Variants in KYNU observed in about 807,000 individuals in gnomAD.
KYNU encodes the protein L-kynurenine hydrolase.
A neutral mutation model predicts 59.2 loss-of-function variants in KYNU; 54 were observed. The ratio of observed to expected loss-of-function variants is 0.91; its 90% CI spans 0.73 to 1.14. KYNU has a LOEUF of 1.14. KYNU is among the 50% of genes most tolerant of loss of function. The probability of loss-of-function intolerance (pLI) is 0.00; values close to 1 mark genes in which losing one functional copy is unlikely to be tolerated. For synonymous variants in KYNU, 177 were observed against 192.0 expected, an observed-to-expected ratio of 0.92 and a Z score of 0.65; for missense variants, 567 against 554.4, an observed-to-expected ratio of 1.02 and a Z score of -0.23.
At chr2:142,973,628 A>C (rs1054173773) in intron 8 of KYNU, among the ~76,000 whole-genome samples, 3 of 152,168 alleles carry the variant, frequency 2.0e-5, no homozygotes, top group Non-Finnish European at 4.4e-5. Flanking sequence ...CTTGGGAAAC[A>C]CAGCTGCAAA....
At chr2:143,009,963 G>A (rs1424914030) in intron 10 of KYNU, among the ~76,000 whole-genome samples, 8 of 128,654 alleles carry the variant, frequency 6.2e-5, no homozygotes, top group Middle Eastern at 3.8e-3. Flanking sequence ...CATACTGAAT[G>A]GGCAAAAACT....
chr2:143,002,806 C>G (rs1031472086), intron 10 of KYNU, among the ~76,000 whole-genome samples: 14 of 152,076 alleles, frequency 9.2e-5, no homozygotes, highest in Non-Finnish European at 1.8e-4. Flanking sequence ...GAATCAGTTT[C>G]CACAGAAAAC....
At chr2:142,929,009 A>G in intron 4 of KYNU, among the ~76,000 whole-genome samples, 1 of 144,778 alleles carries the variant, frequency 6.9e-6, no homozygotes, top group Non-Finnish European at 1.5e-5. Flanking sequence ...CCCTGTCTCA[A>G]AAAAAAAAAA....
rs1266938669 is a variant in KYNU, at chr2:143,036,702, A to G, written c.1041+3381A>G. ...ATTTATTCCTAATTAGACGGGAAGG[A>G]AAGTCTTTGAAGAGGAACCTCTACT... On this transcript the variant is annotated intron_variant, in intron 12 of 13. Transcript: ENST00000264170. Among the ~76,000 whole-genome samples the G allele has an allele frequency of 3.3e-5, 5 of 152,352 alleles. No homozygotes were observed. The East Asian group carries it at 9.6e-4, about 29-fold the overall frequency.
rs201543038 is a variant in KYNU, at chr2:143,045,957, G to C, written c.*3785G>C. The C allele has an allele frequency of 1.4e-4, 22 of 152,264 alleles. No individual in the cohort carries two copies. In the East Asian group the frequency reaches 4.2e-3, roughly 29 times the overall value. The allele number at this position is 152,264 out of a possible 1,614,324, so 9.4% of individuals were successfully genotyped here. A position where few individuals can be genotyped will look rare whatever the true frequency, so the allele number is the denominator to read the frequency against. On this transcript the variant is annotated 3_prime_UTR_variant, in exon 14 of 14. Transcript: ENST00000264170. ...AATTTCTGAAGGGTATTAATTAGAT[G>C]TTTGAGTGAGGGGAAATATTGGAAG...
At chr2:142,916,873 G>A (rs1332286881) in intron 2 of KYNU, among the ~76,000 whole-genome samples, 2 of 152,188 alleles carry the variant, frequency 1.3e-5, no homozygotes, top group African/African-American at 4.8e-5. Flanking sequence ...TGTTAATCAA[G>A]CAGTTCACTT....
At chr2:143,039,761 G>A (rs964586790) in intron 12 of KYNU, among the ~76,000 whole-genome samples, 2 of 152,108 alleles carry the variant, frequency 1.3e-5, no homozygotes, top group African/African-American at 2.4e-5. Context: ...TCTGAGTCCT[G>A]AAGACCTTCC....
At chr2:142,914,071 G>A (rs561190622) in intron 2 of KYNU, among the ~76,000 whole-genome samples, 1 of 152,322 alleles carries the variant, frequency 6.6e-6, no homozygotes, top group African/African-American at 2.4e-5. Context: ...CAAGGCCTGT[G>A]CGGCTCCACT....
At chr2:143,017,353 C>T (rs1048195818) in intron 10 of KYNU, among the ~76,000 whole-genome samples, 3 of 152,078 alleles carry the variant, frequency 2.0e-5, no homozygotes, top group South Asian at 2.1e-4. Context: ...AAATTACATT[C>T]CCACCAACAG....
At chr2:143,035,732 C>T (rs1283125708) in intron 12 of KYNU, among the ~76,000 whole-genome samples, 2 of 152,162 alleles carry the variant, frequency 1.3e-5, no homozygotes, top group Non-Finnish European at 2.9e-5. Flanking sequence ...ACTGGGACTG[C>T]AGGACTGCAC....
At chr2:142,926,558 G>A (rs763279027) in intron 3 of KYNU, among the ~76,000 whole-genome samples, 18 of 152,208 alleles carry the variant, frequency 1.2e-4, no homozygotes, top group Non-Finnish European at 2.1e-4. Context: ...GGGTGATAGG[G>A]AAGAAGGTGC....
chr2:142,937,332 G>T (rs140609174), intron 4 of KYNU, among the ~76,000 whole-genome samples: 2 of 152,206 alleles, frequency 1.3e-5, no homozygotes, highest in Non-Finnish European at 2.9e-5. Flanking sequence ...TTATCCACTT[G>T]CACTCTTATT....
intron 8 of KYNU, among the ~76,000 whole-genome samples, chr2:142,961,275 CTTTTTTTTT>C (rs1156276566): frequency 1.1e-5 from 1 of 94,438 alleles, no homozygotes; most frequent in Non-Finnish European, 2.0e-5. Flanking sequence ...ATTTAAACTG[CTTTTTTTTT>C]TTTTTTTTTT....
At chr2:143,004,399 A>T (rs1055010089) in intron 10 of KYNU, among the ~76,000 whole-genome samples, 1 of 152,132 alleles carries the variant, frequency 6.6e-6, no homozygotes, top group Non-Finnish European at 1.5e-5. Context: ...AAATGTGTTG[A>T]AGCTGCTAGA....
intron 4 of KYNU, among the ~76,000 whole-genome samples, chr2:142,933,303 G>A (rs141772816): frequency 6.6e-6 from 1 of 152,136 alleles, no homozygotes; most frequent in Non-Finnish European, 1.5e-5. Context: ...AGGGAGAAAG[G>A]TTTGGTGAGG....
intron 8 of KYNU, among the ~76,000 whole-genome samples, chr2:142,967,145 A>G (rs1684572224): frequency 6.6e-6 from 1 of 152,264 alleles, no homozygotes; most frequent in African/African-American, 2.4e-5. Context: ...AATTTCATCT[A>G]AAGTGGCTTA....
At chr2:142,907,025 G>A (rs537587724) in intron 2 of KYNU, among the ~76,000 whole-genome samples, 3 of 152,266 alleles carry the variant, frequency 2.0e-5, no homozygotes, top group East Asian at 1.9e-4. Flanking sequence ...ACAGGTGCCC[G>A]GTATTTTCCT....
At chr2:143,027,378 T>A (rs894825254) in intron 10 of KYNU, among the ~76,000 whole-genome samples, 3 of 152,216 alleles carry the variant, frequency 2.0e-5, no homozygotes, top group African/African-American at 2.4e-5. Context: ...TAATTTTAAG[T>A]CATTTTGTAT....
intron 8 of KYNU, among the ~76,000 whole-genome samples, chr2:142,963,776 G>T (rs1171407016): frequency 1.3e-5 from 2 of 152,040 alleles, no homozygotes; most frequent in Admixed American, 6.5e-5. Context: ...GCATTATTTT[G>T]TCTAGTTTTG....
Sources: gnomAD v4.1 joint callset for allele counts (sites outside exome capture counted in the v4.1 genomes callset) on GRCh38, gnomAD v4.1.1 for gene constraint, MANE v1.5 for transcripts, NCBI Gene and HGNC (gene_info 2026-07-23, HGNC 2026-07-21) for gene names.